EXOC6B: variants seen among roughly 807,000 people sequenced by gnomAD.
EXOC6B encodes the protein SEC15 homolog B.
A neutral mutation model predicts 113.5 loss-of-function variants in EXOC6B; 54 were observed. The observed-to-expected ratio is 0.48, with a 90% CI of 0.38 to 0.60. The LOEUF (loss-of-function observed/expected upper bound fraction) is 0.60, where lower values mean the gene tolerates loss of function less well. Among genes scored for constraint, EXOC6B ranks in the 20% least tolerant of loss-of-function variants. The pLI is 0.00. For synonymous variants in EXOC6B, 357 were observed against 339.0 expected, an observed-to-expected ratio of 1.05 and a Z score of -0.58; for missense variants, 797 against 977.5, an observed-to-expected ratio of 0.82 and a Z score of 2.46.
At chr2:72,715,863 C>T (rs187999992) in intron 6 of EXOC6B, among the ~76,000 whole-genome samples, 168 of 152,154 alleles carry the variant, frequency 1.1e-3, no homozygotes, top group Non-Finnish European at 1.8e-3. Flanking sequence ...CTGGAAGATA[C>T]TAGATTTTGA....
intron 1 of EXOC6B, among the ~76,000 whole-genome samples, chr2:72,819,537 GGATT>G (rs969831329): frequency 7.2e-5 from 11 of 151,784 alleles, no homozygotes; most frequent in African/African-American, 2.7e-4. Flanking sequence ...ACCCCTCCCA[GGATT>G]GATTATTGAT....
At chr2:72,403,471 G>T (rs1275849169) in intron 18 of EXOC6B, among the ~76,000 whole-genome samples, 1 of 152,136 alleles carries the variant, frequency 6.6e-6, no homozygotes, top group Non-Finnish European at 1.5e-5. Context: ...AGGATTGCTT[G>T]AGGCTAGGAG....
chr2:72,180,203 C>T (rs1677995288), intron 21 of EXOC6B, among the ~76,000 whole-genome samples: 1 of 152,170 alleles, frequency 6.6e-6, no homozygotes, highest in Admixed American at 6.5e-5. Context: ...GACCTTTGAC[C>T]TTTGGGTCAT....
chr2:72,639,471 C>T (rs780176288), intron 6 of EXOC6B, among the ~76,000 whole-genome samples: 1 of 152,178 alleles, frequency 6.6e-6, no homozygotes, highest in Non-Finnish European at 1.5e-5. Flanking sequence ...TGGTGAATGC[C>T]GGCATGGAGG....
At chr2:72,643,810 A>AAAT (rs1558874529) in intron 6 of EXOC6B, among the ~76,000 whole-genome samples, 1 of 150,720 alleles carries the variant, frequency 6.6e-6, no homozygotes, top group Non-Finnish European at 1.5e-5. Flanking sequence ...AAAAAATTAA[A>AAAT]AAATAAATAA....
At chr2:72,364,744 T>A (rs1240193596) in intron 19 of EXOC6B, among the ~76,000 whole-genome samples, 1 of 152,146 alleles carries the variant, frequency 6.6e-6, no homozygotes, top group Non-Finnish European at 1.5e-5. Flanking sequence ...GTGCATGTAT[T>A]TCAGCTTTAT....
chr2:72,336,618 T>C (rs1024361673), intron 19 of EXOC6B, among the ~76,000 whole-genome samples: 1 of 152,234 alleles, frequency 6.6e-6, no homozygotes. Context: ...TGCTTGGCAG[T>C]ACTAAAGTTT....
intron 20 of EXOC6B, among the ~76,000 whole-genome samples, chr2:72,322,707 T>A (rs1417395989): frequency 2.0e-5 from 3 of 152,144 alleles, no homozygotes; most frequent in Non-Finnish European, 4.4e-5. Context: ...CCATCTGATA[T>A]TCGACAAACC....
At chr2:72,299,698 C>T (rs1382943869) in intron 20 of EXOC6B, among the ~76,000 whole-genome samples, 3 of 152,082 alleles carry the variant, frequency 2.0e-5, no homozygotes, top group Non-Finnish European at 4.4e-5. Flanking sequence ...TCTTTGATGT[C>T]GATGACCTTC....
chr2:72,609,616 A>C (rs918930638), intron 6 of EXOC6B, among the ~76,000 whole-genome samples: 3 of 152,076 alleles, frequency 2.0e-5, no homozygotes, highest in African/African-American at 7.2e-5. Flanking sequence ...CCCCTTCATT[A>C]ATATCTAGGA....
chr2:72,465,381 A>C, intron 17 of EXOC6B, 42 bp from the exon 18 acceptor site: 1 of 1,479,658 alleles, frequency 6.8e-7, no homozygotes, highest in Non-Finnish European at 9.1e-7. Context: ...TCAGATTTCA[A>C]TATGGGCAGA....
intron 19 of EXOC6B, among the ~76,000 whole-genome samples, chr2:72,350,545 G>C (rs1041831374): frequency 6.6e-6 from 1 of 152,190 alleles, no homozygotes; most frequent in East Asian, 1.9e-4. Flanking sequence ...TAAGAGCTCA[G>C]TTTGATGTGG....
chr2:72,523,496 C>T (rs1050878442), intron 8 of EXOC6B, among the ~76,000 whole-genome samples: 1 of 151,770 alleles, frequency 6.6e-6, no homozygotes, highest in Non-Finnish European at 1.5e-5. Context: ...TTAAGATTTA[C>T]GGCTGGGCGC....
At chr2:72,433,697 GCT>G (rs1379121263) in intron 18 of EXOC6B, among the ~76,000 whole-genome samples, 1 of 152,080 alleles carries the variant, frequency 6.6e-6, no homozygotes, top group African/African-American at 2.4e-5. Flanking sequence ...TCATGATGTG[GCT>G]CTCTGTTTGT....
chr2:72,560,919 T>C (rs1359489839), intron 7 of EXOC6B, among the ~76,000 whole-genome samples: 1 of 151,692 alleles, frequency 6.6e-6, no homozygotes, highest in East Asian at 1.9e-4. Context: ...ATGTGCAGCA[T>C]GCAGTTTAAA....
rs1693260860 is a variant in EXOC6B at position 72,401,589 on chromosome 2, ATATATATATATATGTG to A, written c.1981-21735_1981-21720del. ...TACATATATATATATATACATATAT[ATATATATATATATGTG>A]TATATATATATATATACATATATAT... On this transcript the variant is annotated intron_variant, in intron 18 of 21. Coordinates refer to ENST00000272427, the MANE Select transcript of EXOC6B (RefSeq NM_015189.3). Among the ~76,000 whole-genome samples, 5 of 42,600 alleles carry A rather than the reference ATATATATATATATGTG, an allele frequency of 1.2e-4. No individual in the cohort carries two copies. The African/African-American group carries it at 1.4e-3, about 12-fold the overall frequency. 27.9% of individuals were successfully genotyped at this position (42,600 alleles called of 152,430 possible). A position where few individuals can be genotyped will look rare whatever the true frequency, so the allele number is the denominator to read the frequency against.
chr2:72,821,243 T>C (rs756531341), intron 1 of EXOC6B, among the ~76,000 whole-genome samples: 10 of 151,980 alleles, frequency 6.6e-5, no homozygotes, highest in Non-Finnish European at 1.3e-4. Context: ...AGAACAGCTA[T>C]TACGGGAATG....
chr2:72,293,518 C>T (rs773925680), intron 20 of EXOC6B, among the ~76,000 whole-genome samples: 36 of 152,002 alleles, frequency 2.4e-4, no homozygotes, highest in Admixed American at 6.6e-4. Context: ...TGAGATAATT[C>T]CTAAGTAGAT....
In EXOC6B at chr2:72,356,638, T is replaced by C. The variant is rs1303206018; in HGVS notation, c.2123-21618A>G. Among the ~76,000 whole-genome samples, 11 of 152,270 alleles carry C rather than the reference T, an allele frequency of 7.2e-5. No homozygotes were observed. The East Asian group carries it at 2.1e-3, about 29-fold the overall frequency. On this transcript the variant is annotated intron_variant, in intron 19 of 21. Coordinates refer to ENST00000272427, the MANE Select transcript of EXOC6B (RefSeq NM_015189.3). ...GAGTCCCAACTTAAAGAATCACATA[T>C]AAAGTTTCTTTTAGTAAAAAATTAT...
Sources: gnomAD v4.1 joint callset for allele counts (sites outside exome capture counted in the v4.1 genomes callset) on GRCh38, gnomAD v4.1.1 for gene constraint, MANE v1.5 for transcripts, NCBI Gene and HGNC (gene_info 2026-07-23, HGNC 2026-07-21) for gene names.